The following RANBP2 variants were observed in gnomAD, a reference collection of about 807,000 sequenced individuals.
RANBP2 encodes RAN binding protein 2, also known as E3 SUMO-protein ligase RanBP2.
RANBP2 carries 57 observed loss-of-function variants against 303.6 expected under a neutral mutation model. The ratio of observed to expected loss-of-function variants is 0.19; its 90% confidence interval spans 0.15 to 0.23. RANBP2 has a LOEUF of 0.23. Among genes scored for constraint, RANBP2 ranks in the 10% least tolerant of loss-of-function variants. The pLI, the probability that RANBP2 is intolerant of heterozygous loss-of-function variation, is 1.00. For synonymous variants in RANBP2, 1,167 were observed against 1,301.5 expected (o/e 0.90, Z 2.23); for missense variants, 3,138 against 3,780.8 (o/e 0.83, Z 4.46).
chr2:109,303,255 C>G, the RANBP2 span, among the ~76,000 whole-genome samples: 1 of 152,306 alleles, frequency 6.6e-6, no homozygotes, highest in South Asian at 2.1e-4. Flanking sequence ...ATCTGAGGAC[C>G]ACCTCCCTCA....
the RANBP2 span, among the ~76,000 whole-genome samples, chr2:108,996,325 A>G: frequency 6.6e-6 from 1 of 152,190 alleles, no homozygotes; most frequent in African/African-American, 2.4e-5. Flanking sequence ...TGTACGTTTA[A>G]GTCCAGCACA....
chr2:108,894,394 A>G, the RANBP2 span: 1 of 152,590 alleles, frequency 6.6e-6, no homozygotes, highest in East Asian at 1.9e-4. Context: ...GGAACAGAGC[A>G]ATCAGAACCT....
At chr2:109,077,931 A>G in the RANBP2 span, among the ~76,000 whole-genome samples, 6 of 148,116 alleles carry the variant, frequency 4.1e-5, no homozygotes, top group African/African-American at 1.5e-4. Context: ...TAAAACTATC[A>G]TATGATTCAG....
the RANBP2 span, among the ~76,000 whole-genome samples, chr2:109,532,243 C>T: frequency 4.6e-5 from 7 of 152,354 alleles, no homozygotes; most frequent in African/African-American, 1.7e-4. Flanking sequence ...GGAGGAAGAT[C>T]TCTCTTCAAT....
chr2:109,372,770 G>C, the RANBP2 span, among the ~76,000 whole-genome samples: 12 of 152,174 alleles, frequency 7.9e-5, no homozygotes, highest in Admixed American at 4.6e-4. Flanking sequence ...ACTCAGCTCA[G>C]TGCTGGGCTC....
In RANBP2 at chr2:108,767,320, G is replaced by C; in HGVS notation, c.6781G>C (p.Gly2261Arg). Residue 2261 changes from glycine to arginine, a missense_variant, in exon 20 of 29, where the codon GGT (glycine) becomes CGT (arginine). Coordinates refer to ENST00000283195, the MANE Select transcript of RANBP2 (RefSeq NM_006267.5). Reference sequence around the variant, plus strand: ...TGTGAGAAAAAATCTTTTCCGTTTTGGTGAGTCAACAACAGGATTTAACTT... The same window carrying C: ...TGTGAGAAAAAATCTTTTCCGTTTTCGTGAGTCAACAACAGGATTTAACTT... Reference protein sequence around the residue: ...SPVRKNLFRFGESTTGFNFSF... With the variant: ...SPVRKNLFRFRESTTGFNFSF... 1 of 1,612,016 alleles carries C rather than the reference G, an allele frequency of 6.2e-7. No individual in the cohort carries two copies. Among genetic ancestry groups the C allele is most frequent in the Non-Finnish European group, 8.5e-7 (1 of 1,179,870 alleles).
chr2:108,786,450 A>C (rs1678731989), downstream of RANBP2, among the ~76,000 whole-genome samples: 1 of 152,010 alleles, frequency 6.6e-6, no homozygotes, highest in Non-Finnish European at 1.5e-5. Context: ...CTTCTGATGG[A>C]ACGACCGGTC....
chr2:109,343,170 C>A, the RANBP2 span, among the ~76,000 whole-genome samples: 1 of 152,124 alleles, frequency 6.6e-6, no homozygotes, highest in Admixed American at 6.5e-5. Context: ...CAGCAGAAGT[C>A]TTTTCTCCCC....
chr2:109,521,315 G>A, the RANBP2 span, among the ~76,000 whole-genome samples: 1 of 152,206 alleles, frequency 6.6e-6, no homozygotes, highest in Non-Finnish European at 1.5e-5. Context: ...AGGGACAGAA[G>A]GGCTGGCAGC....
At chr2:109,698,120 T>A in the RANBP2 span, among the ~76,000 whole-genome samples, 3 of 152,184 alleles carry the variant, frequency 2.0e-5, no homozygotes, top group East Asian at 5.8e-4. Context: ...TCAGCCTCCT[T>A]GTGCTGGGAT....
At chr2:109,520,474 C>T in the RANBP2 span, among the ~76,000 whole-genome samples, 2 of 151,406 alleles carry the variant, frequency 1.3e-5, no homozygotes, top group African/African-American at 2.4e-5. Flanking sequence ...GTGGCACATG[C>T]CTGTAATCCC....
At chr2:109,448,812 G>A in the RANBP2 span, among the ~76,000 whole-genome samples, 4 of 152,218 alleles carry the variant, frequency 2.6e-5, no homozygotes, top group South Asian at 2.1e-4. Context: ...TCCACAAAAC[G>A]GGTCCTTGGT....
chr2:108,786,748 A>C, downstream of RANBP2: 1 of 1,367,564 alleles, frequency 7.3e-7, no homozygotes, highest in Non-Finnish European at 1.0e-6. Context: ...GCACGTCGTG[A>C]CGCACTGCGG....
intron 1 of RANBP2, chr2:108,720,028 CG>C: frequency 1.0e-6 from 1 of 985,268 alleles, no homozygotes; most frequent in South Asian, 4.7e-5. Flanking sequence ...CTTGGGCACC[CG>C]GGTGCTGTAT....
the RANBP2 span, among the ~76,000 whole-genome samples, chr2:108,950,035 A>C: frequency 2.0e-5 from 3 of 152,306 alleles, no homozygotes; most frequent in African/African-American, 7.2e-5. Context: ...TTATTCACTG[A>C]GTGCGGCCTG....
At chr2:108,759,062 A>G (rs1433814589) in intron 18 of RANBP2, among the ~76,000 whole-genome samples, 1 of 150,106 alleles carries the variant, frequency 6.7e-6, no homozygotes, top group Non-Finnish European at 1.5e-5. Flanking sequence ...CCTGTCTGAA[A>G]CGTGGAGATA....
chr2:108,911,327 C>A, the RANBP2 span, among the ~76,000 whole-genome samples: 1 of 152,142 alleles, frequency 6.6e-6, no homozygotes, highest in African/African-American at 2.4e-5. Flanking sequence ...CCTGATTGTT[C>A]CTAGGGAGTT....
the RANBP2 span, chr2:109,733,110 C>T: frequency 1.1e-5 from 6 of 535,938 alleles, no homozygotes; most frequent in East Asian, 1.0e-4. Flanking sequence ...AGAGAGAGAT[C>T]GCTGTCTCGG....
the RANBP2 span, among the ~76,000 whole-genome samples, chr2:109,493,724 C>A: frequency 6.6e-6 from 1 of 151,934 alleles, no homozygotes; most frequent in Admixed American, 6.6e-5. Context: ...CATAAACACA[C>A]ACCATATACA....
Sources: gnomAD v4.1 joint callset for allele counts (sites outside exome capture counted in the v4.1 genomes callset) on GRCh38, gnomAD v4.1.1 for gene constraint, MANE v1.5 for transcripts, NCBI Gene and HGNC (gene_info 2026-07-23, HGNC 2026-07-21) for gene names.